HMCN2: variants seen among roughly 807,000 people sequenced by gnomAD.
The protein encoded by HMCN2 is hemicentin 2.
A neutral mutation model predicts 377.5 loss-of-function variants in HMCN2; 325 were observed. The ratio of observed to expected loss-of-function variants is 0.86; its 90% confidence interval spans 0.79 to 0.94. The LOEUF (loss-of-function observed/expected upper bound fraction) is 0.94, where lower values mean the gene tolerates loss of function less well. HMCN2 is among the 40% of genes least tolerant of loss of function. HMCN2 has a pLI of 0.00. For missense variants in HMCN2, 4,543 were observed against 4,725.3 expected (o/e 0.96, Z 1.13); for synonymous variants, 2,007 against 2,046.8 (o/e 0.98, Z 0.53).
At position 130,304,971 on chromosome 9, in the gene HMCN2, C is replaced by T. The variant is rs1554936169; in HGVS notation, c.1785C>T (p.Val595=). 1 of 471,070 alleles carries T rather than the reference C, an allele frequency of 2.1e-6. No individual in the cohort carries two copies. Among genetic ancestry groups the T allele is most frequent in the South Asian group, 1.5e-5 (1 of 64,566 alleles). 29.2% of individuals were successfully genotyped at this position (471,070 alleles called of 1,614,324 possible). A position where few individuals can be genotyped will look rare whatever the true frequency, so the allele number is the denominator to read the frequency against. Residue 595 remains valine (V), a synonymous_variant, in exon 11 of 98, where the codon GTC becomes GTT. Transcript: ENST00000683500. The surrounding 1 kb of genome is among the most constrained non-coding windows in gnomAD (Gnocchi z 4.3). ...YQCVASNANG[V]TRASVWLLVR... is the part of the protein sequence containing the mutation. ...GTGTGGCCAGCAATGCCAATGGGGT[C>T]ACAAGGGCATCCGTCTGGCTCCTGG...
rs1242450514 is a variant in HMCN2 at position 130,422,901 on chromosome 9, C to G, written c.13381+175C>G. 2.0e-5 allele frequency among the ~76,000 whole-genome samples: 3 copies of G among 152,224 alleles called. No homozygotes were observed. Among genetic ancestry groups the G allele is most frequent in the Non-Finnish European group, 4.4e-5 (3 of 68,044 alleles). ...AAAGCTGAGTGCAATCCAAAGTGGA[C>G]TCAGATGCAGGCAACTTCCTGTCCC... On this transcript the variant is annotated intron_variant, in intron 87 of 97. Coordinates refer to ENST00000683500, the MANE Select transcript of HMCN2 (RefSeq NM_001291815.2). The surrounding 1 kb of genome is among the most constrained non-coding windows in gnomAD (Gnocchi z 4.2).
rs979859761 is a variant in HMCN2, at chr9:130,371,118, C to T, written c.7224C>T (p.Thr2408=). ...GEEPVSPGED[T]YLLAGGWMLK... The stretch of plus-strand genomic sequence containing the variant: ...AGCCTGTCAGCCCCGGGGAGGACAC[C>T]TACCTGCTGGCAGGTAAGATACCAG... Residue 2408 remains threonine (T), a synonymous_variant, in exon 46 of 98, where the codon ACC becomes ACT. Coordinates refer to ENST00000683500, the MANE Select transcript of HMCN2 (RefSeq NM_001291815.2). 4.1e-6 allele frequency: 4 copies of T among 985,786 alleles called. No individual in the cohort carries two copies. In the African/African-American group the frequency reaches 5.2e-5, roughly 13 times the overall value. 61.1% of individuals were successfully genotyped at this position (985,786 alleles called of 1,614,324 possible).
At position 130,295,698 on chromosome 9, in the gene HMCN2, G is replaced by T. The variant is rs782506939; in HGVS notation, c.817G>T (p.Val273Leu). Residue 273 changes from valine to leucine, a missense_variant, in exon 6 of 98, where the codon GTG (valine) becomes TTG (leucine). Physicochemically the swap from Val to Leu is conservative, Grantham distance 32. Around this residue, in one of 5 missense-constraint regions of HMCN2, gnomAD observed 547 missense variants for 189.9 expected, o/e 2.88. Coordinates refer to ENST00000683500, the MANE Select transcript of HMCN2 (RefSeq NM_001291815.2). ...CCTGCAGGAGGACGAGGGCCTCAAC[G>T]TGCTTCTCAACATCCCTGACTCGGC... ...RILQEDEGLNVLLNIPDSAKV... is the reference protein window; with the variant it reads ...RILQEDEGLNLLLNIPDSAKV... The T allele has an allele frequency of 6.4e-6, 3 of 471,098 alleles. No individual in the cohort carries two copies. The Admixed American group carries it at 7.0e-5, about 11-fold the overall frequency. The allele number at this position is 471,098 out of a possible 1,614,324, so 29.2% of individuals were successfully genotyped here. A position where few individuals can be genotyped will look rare whatever the true frequency, so the allele number is the denominator to read the frequency against.
chr9:130,284,256 G>T (rs1471031959), intron 1 of HMCN2, among the ~76,000 whole-genome samples: 1 of 152,198 alleles, frequency 6.6e-6, no homozygotes, highest in Non-Finnish European at 1.5e-5. Flanking sequence ...CTTCTCCACT[G>T]ACTGGCAGCC....
intron 1 of HMCN2, among the ~76,000 whole-genome samples, chr9:130,271,472 T>C (rs1834401422): frequency 6.7e-6 from 1 of 149,438 alleles, no homozygotes; most frequent in Admixed American, 6.7e-5. Context: ...CTTTGTGTTA[T>C]GATCCTAAAC....
chr9:130,370,452 G>A (rs1268030290), intron 45 of HMCN2, among the ~76,000 whole-genome samples: 1 of 152,180 alleles, frequency 6.6e-6, no homozygotes, highest in African/African-American at 2.4e-5. Context: ...GCGGGGATCA[G>A]TTTAGGGAGG....
chr9:130,350,730 C>CAAAAA (rs145043349), intron 29 of HMCN2, among the ~76,000 whole-genome samples: 9 of 148,214 alleles, frequency 6.1e-5, no homozygotes, highest in South Asian at 2.1e-4. Flanking sequence ...ACTAAAAATA[C>CAAAAA]AAAAATATAT....
In HMCN2 at chr9:130,393,984, AGGC is replaced by A; in HGVS notation, c.10478_10480del (p.Arg3493_His3494delinsAsn). ...CGTGAGCGAGGCGGGGGAAGCCAGGAGGCATTTCCAGCTGACCGTCATGGGTGG... is the reference window on the plus strand; with the variant it reads ...CGTGAGCGAGGCGGGGGAAGCCAGGAATTTCCAGCTGACCGTCATGGGTGG... On this transcript the variant is annotated inframe_deletion, in exon 68 of 98. Coordinates refer to ENST00000683500, the MANE Select transcript of HMCN2 (RefSeq NM_001291815.2). This position sits in a 1 kb window ranked among gnomAD's most constrained non-coding sequence, Gnocchi z 5.2. 3 of 1,272,532 alleles carry A rather than the reference AGGC, an allele frequency of 2.4e-6. No individual in the cohort carries two copies. Among genetic ancestry groups the A allele is most frequent in the Non-Finnish European group, 3.1e-6 (3 of 981,212 alleles). The allele number at this position is 1,272,532 out of a possible 1,614,324, so 78.8% of individuals were successfully genotyped here. A position where few individuals can be genotyped will look rare whatever the true frequency, so the allele number is the denominator to read the frequency against.
chr9:130,324,825 C>T (rs956636608), intron 19 of HMCN2, among the ~76,000 whole-genome samples: 3 of 152,042 alleles, frequency 2.0e-5, no homozygotes, highest in Non-Finnish European at 2.9e-5. Flanking sequence ...GGGTTTCACC[C>T]TGTTGGCCAA....
chr9:130,393,250 C>G lies in HMCN2; in HGVS notation c.10175C>G (p.Thr3392Ser), dbSNP rs930089761. 4 of 988,474 alleles carry G rather than the reference C, an allele frequency of 4.0e-6. No homozygotes were observed. The African/African-American group carries it at 7.0e-5, about 17-fold the overall frequency. The allele number at this position is 988,474 out of a possible 1,614,324, so 61.2% of individuals were successfully genotyped here. Residue 3392 changes from threonine to serine, a missense_variant, in exon 67 of 98, where the codon ACC (threonine) becomes AGC (serine). This residue lies in a region of HMCN2 where 1,073 missense variants were observed against 1,319.5 expected (regional missense o/e 0.81). Transcript: ENST00000683500. This position sits in a 1 kb window ranked among gnomAD's most constrained non-coding sequence, Gnocchi z 5.2. Reference sequence around the variant, plus strand: ...CAATTGGCAGACGCTGGCATCTTCACCTGTGTGGCCGCAAGCCCAGCTGGC... The same window carrying G: ...CAATTGGCAGACGCTGGCATCTTCAGCTGTGTGGCCGCAAGCCCAGCTGGC... ...KVQLADAGIF[T>S]CVAASPAGVA...
At chr9:130,332,736 C>T (rs1272203301) in intron 22 of HMCN2, among the ~76,000 whole-genome samples, 3 of 152,182 alleles carry the variant, frequency 2.0e-5, no homozygotes, top group Non-Finnish European at 2.9e-5. Flanking sequence ...AGGAAGAAGA[C>T]GCGAGTTGGG....
At position 130,422,606 on chromosome 9, in the gene HMCN2, A is replaced by G; in HGVS notation, c.13261A>G (p.Thr4421Ala). The stretch of plus-strand genomic sequence containing the variant: ...GCCCCAGGGGAGCTGGGGCAGCATG[A>G]CTGGGGTGATAAATGGCCGGAAATT... ...GEPQGSWGSMTGVINGRKFGV... is the reference protein window; with the variant it reads ...GEPQGSWGSMAGVINGRKFGV... The change falls in exon 87 of 98, where the codon ACT (threonine) becomes GCT (alanine). Residue 4421 changes from threonine to alanine, a missense_variant. By Grantham distance (58) the Thr-to-Ala change is moderately conservative. Coordinates refer to ENST00000683500, the MANE Select transcript of HMCN2 (RefSeq NM_001291815.2). The surrounding 1 kb of genome is among the most constrained non-coding windows in gnomAD (Gnocchi z 4.2). 7.5e-7 allele frequency: 1 copy of G among 1,330,018 alleles called. No individual in the cohort carries two copies. Among genetic ancestry groups the G allele is most frequent in the South Asian group, 2.2e-5 (1 of 45,736 alleles). 82.4% of individuals were successfully genotyped at this position (1,330,018 alleles called of 1,614,324 possible). A position where few individuals can be genotyped will look rare whatever the true frequency, so the allele number is the denominator to read the frequency against.
At chr9:130,366,467 ATTTTTTTTTT>A (rs71499234) in intron 43 of HMCN2, among the ~76,000 whole-genome samples, 33 of 82,984 alleles carry the variant, frequency 4.0e-4, no homozygotes, top group African/African-American at 1.3e-3. Flanking sequence ...CACTTCACCA[ATTTTTTTTTT>A]TTTTTTTTTT....
rs570374844 is a variant in HMCN2, at chr9:130,304,621, C to T, written c.1544-109C>T. On this transcript the variant is annotated intron_variant, in intron 10 of 97. Transcript: ENST00000683500. The surrounding 1 kb of genome is among the most constrained non-coding windows in gnomAD (Gnocchi z 4.3). ...CTGACATGTCCTGAATGATCTGGTT[C>T]GGGTGGGCCTGCACCTCAGGGTGGG... 1.5e-4 allele frequency: 57 copies of T among 371,484 alleles called. No homozygotes were observed. Among genetic ancestry groups the T allele is most frequent in the African/African-American group, 1.1e-3 (54 of 47,846 alleles). 23.0% of individuals were successfully genotyped at this position (371,484 alleles called of 1,614,324 possible).
intron 4 of HMCN2, 95 bp downstream of exon 4, chr9:130,286,405 T>A: frequency 2.3e-6 from 1 of 436,168 alleles, no homozygotes; most frequent in Admixed American, 2.4e-5. Flanking sequence ...TGAATGACAA[T>A]CAATCATCCA....
chr9:130,402,833 T>C lies in HMCN2; in HGVS notation c.11815T>C (p.Tyr3939His). 1.6e-6 allele frequency: 2 copies of C among 1,289,746 alleles called. No homozygotes were observed. Among genetic ancestry groups the C allele is most frequent in the Non-Finnish European group, 2.0e-6 (2 of 988,852 alleles). 79.9% of individuals were successfully genotyped at this position (1,289,746 alleles called of 1,614,324 possible). ...GGCCCTCCCCATCCACGCAGGCCGC[T>C]ACACCTGCTCAGCCCGCAACTCTGC... is the stretch of plus-strand genomic sequence containing the variant. ...GQALPIHAGRYTCSARNSAGV... is the reference protein window; with the variant it reads ...GQALPIHAGRHTCSARNSAGV... Residue 3939 changes from tyrosine to histidine, a missense_variant, in exon 78 of 98, where the codon TAC becomes CAC. Coordinates refer to ENST00000683500, the MANE Select transcript of HMCN2 (RefSeq NM_001291815.2).
Position 130,433,515 on chromosome 9 carries a change from T to C in HMCN2, c.15062T>C (p.Leu5021Pro), listed in dbSNP as rs766540988. 6 of 1,489,668 alleles carry C rather than the reference T, an allele frequency of 4.0e-6. No homozygotes were observed. The South Asian group carries it at 5.1e-5, about 13-fold the overall frequency. 92.3% of individuals were successfully genotyped at this position (1,489,668 alleles called of 1,614,324 possible). ...VPANRTELSM[L>P]EPDPRSPFAL... ...GCCAACCGCACCGAGCTCAGCATGCTGGAGCCCGACCCCCGCAGCCCCTTC... is the reference window on the plus strand; with the variant it reads ...GCCAACCGCACCGAGCTCAGCATGCCGGAGCCCGACCCCCGCAGCCCCTTC... The change falls in exon 98 of 98, where the codon CTG becomes CCG. Residue 5021 changes from leucine (L) to proline (P), a missense_variant. By Grantham distance (98) the Leu-to-Pro change is moderately conservative. Transcript: ENST00000683500.
At position 130,382,113 on chromosome 9, in the gene HMCN2, G is replaced by A. The variant is rs1279168556; in HGVS notation, c.8432-71G>A. The stretch of plus-strand genomic sequence containing the variant: ...CATGTCCCAGGTCCACTCCAGAGGA[G>A]GGGGCAGCGTCTTTGCTCTTGGGGG... On this transcript the variant is annotated intron_variant, in intron 54 of 97. Coordinates refer to ENST00000683500, the MANE Select transcript of HMCN2 (RefSeq NM_001291815.2). The A allele has an allele frequency of 8.3e-6, 5 of 605,150 alleles. No individual in the cohort carries two copies. In the South Asian group the frequency reaches 2.9e-4, roughly 35 times the overall value. 37.5% of individuals were successfully genotyped at this position (605,150 alleles called of 1,614,324 possible).
In HMCN2 at chr9:130,379,447, A is replaced by C; in HGVS notation, c.8411A>C (p.Asp2804Ala). The change falls in exon 54 of 98, where the codon GAT (aspartate) becomes GCT (alanine). Residue 2804 changes from aspartate to alanine, a missense_variant. Asp to Ala is a moderately radical substitution (Grantham distance 126). This residue lies in a region of HMCN2 where 736 missense variants were observed against 773.2 expected (regional missense o/e 0.95). Transcript: ENST00000683500. ...YREDQPLSAGDEVSVLQGGRV... is the reference protein window; with the variant it reads ...YREDQPLSAGAEVSVLQGGRV... ...GAGGATCAGCCCCTCTCGGCCGGGG[A>C]TGAGGTGTCTGTGCTGCAAGGTGGG... 2 of 985,756 alleles carry C rather than the reference A, an allele frequency of 2.0e-6. No individual in the cohort carries two copies. The highest frequency in any genetic ancestry group is 3.5e-5 in the African/African-American group (2 of 57,314). The allele number at this position is 985,756 out of a possible 1,614,324, so 61.1% of individuals were successfully genotyped here. A position where few individuals can be genotyped will look rare whatever the true frequency, so the allele number is the denominator to read the frequency against.
Sources: gnomAD v4.1 joint callset for allele counts (sites outside exome capture counted in the v4.1 genomes callset) on GRCh38, gnomAD v4.1.1 for gene constraint, gnomAD v4.1.1 regional missense constraint, Gnocchi (gnomAD v3.1) non-coding constraint, MANE v1.5 for transcripts, NCBI Gene and HGNC (gene_info 2026-07-23, HGNC 2026-07-21) for gene names.